CPNE9: variants seen among roughly 807,000 people sequenced by gnomAD.
CPNE9 encodes the protein copine-9.
A neutral mutation model predicts 83.0 loss-of-function variants in CPNE9; 59 were observed. The ratio of observed to expected loss-of-function variants is 0.71; its 90% CI spans 0.58 to 0.88. CPNE9 has a LOEUF of 0.88. Among genes scored for constraint, CPNE9 ranks in the 40% least tolerant of loss-of-function variants. The pLI is 0.00. For synonymous variants in CPNE9, 256 were observed against 273.4 expected (o/e 0.94, Z 0.63); for missense variants, 619 against 720.8 (o/e 0.86, Z 1.62).
At position 9,704,725 on chromosome 3, in the gene CPNE9, T is replaced by G; in HGVS notation, c.110-24T>G. Reference sequence around the variant, plus strand: ...AGGGGTGGGAGCCGACCTGACGTCCTTCCCTCCCCGCCCCCACCTGCAGTG... The same window carrying G: ...AGGGGTGGGAGCCGACCTGACGTCCGTCCCTCCCCGCCCCCACCTGCAGTG... On this transcript the variant is annotated intron_variant, in intron 2 of 20. Transcript: ENST00000383832. This position sits in a 1 kb window ranked among gnomAD's most constrained non-coding sequence, Gnocchi z 7.1. 6.2e-7 allele frequency: 1 copy of G among 1,611,958 alleles called. No homozygotes were observed. The highest frequency in any genetic ancestry group is 1.7e-5 in the Admixed American group (1 of 59,994).
chr3:9,705,299 T>C (rs1178801927), intron 4 of CPNE9, among the ~76,000 whole-genome samples, 165 bp from the exon 5 acceptor site: 3 of 151,810 alleles, frequency 2.0e-5, no homozygotes, highest in African/African-American at 7.3e-5. Context: ...ACCGTCTGAC[T>C]ACTCAGCCCA....
At chr3:9,713,213 G>A in intron 10 of CPNE9, 134 bp downstream of exon 10, 1 of 686,866 alleles carries the variant, frequency 1.5e-6, no homozygotes, top group Non-Finnish European at 2.5e-6. Flanking sequence ...TGGGGCATGA[G>A]GTTGGGTGGA....
intron 16 of CPNE9, 84 bp downstream of exon 16, chr3:9,718,294 C>A: frequency 7.0e-7 from 1 of 1,433,634 alleles, no homozygotes; most frequent in Non-Finnish European, 9.5e-7. Context: ...TACATTACTT[C>A]AAAGGGCATG....
chr3:9,729,414 G>A, intron 20 of CPNE9, 93 bp from the exon 21 acceptor site: 1 of 1,480,724 alleles, frequency 6.8e-7, no homozygotes, highest in Non-Finnish European at 9.0e-7. Context: ...GTTGGAAAGA[G>A]ATGCTGGGGA....
intron 7 of CPNE9, 28 bp from the exon 8 acceptor site, chr3:9,712,513 C>G: frequency 6.2e-7 from 1 of 1,605,116 alleles, no homozygotes; most frequent in Non-Finnish European, 8.5e-7. Context: ...CCTCCCTCCT[C>G]TCACTAAGAG....
In CPNE9 at chr3:9,705,727, C is replaced by T; in HGVS notation, c.300+7C>T. 3.1e-6 allele frequency: 5 copies of T among 1,613,368 alleles called. No individual in the cohort carries two copies. The highest frequency in any genetic ancestry group is 4.2e-6 in the Non-Finnish European group (5 of 1,179,440). On this transcript the variant is annotated splice_region_variant and intron_variant, in intron 6 of 20. Coordinates refer to ENST00000383832, the MANE Select transcript of CPNE9 (RefSeq NM_153635.3). ...CTGCTGGGACCTGCAGAAGGTGAGG[C>T]TGAATGGGGCTGGGCAGAGGTTGGG...
chr3:9,717,938 G>T, intron 15 of CPNE9, 91 bp from the exon 16 acceptor site: 1 of 1,118,026 alleles, frequency 8.9e-7, no homozygotes, highest in Non-Finnish European at 1.3e-6. Flanking sequence ...CAGATAAATG[G>T]ATATAGGTGG....
At chr3:9,710,039 T>C (rs1313166069) in intron 7 of CPNE9, among the ~76,000 whole-genome samples, 1 of 150,074 alleles carries the variant, frequency 6.7e-6, no homozygotes, top group Non-Finnish European at 1.5e-5. Flanking sequence ...TAAATTATAC[T>C]ACATTGGCCG....
Position 9,729,834 on chromosome 3 carries a change from C to T in CPNE9, c.*142C>T. Reference sequence around the variant, plus strand: ...GTGCTGGCTGACAAGCCCTCCGCCTCCTTGCCTGCAGAGGGCCTGGCACTA... The same window carrying T: ...GTGCTGGCTGACAAGCCCTCCGCCTTCTTGCCTGCAGAGGGCCTGGCACTA... On this transcript the variant is annotated 3_prime_UTR_variant, in exon 21 of 21. Transcript: ENST00000383832. The T allele has an allele frequency of 8.0e-7, 1 of 1,245,990 alleles. No homozygotes were observed. The highest frequency in any genetic ancestry group is 1.5e-5 in the African/African-American group (1 of 66,334). 77.2% of individuals were successfully genotyped at this position (1,245,990 alleles called of 1,614,324 possible).
At chr3:9,726,413 G>A (rs1305426483) in intron 18 of CPNE9, among the ~76,000 whole-genome samples, 2 of 152,080 alleles carry the variant, frequency 1.3e-5, no homozygotes, top group African/African-American at 4.8e-5. Flanking sequence ...GGTCTCCAGG[G>A]AGACCTTTTT....
intron 20 of CPNE9, among the ~76,000 whole-genome samples, chr3:9,729,257 G>C (rs972831664): frequency 6.6e-5 from 10 of 152,204 alleles, no homozygotes; most frequent in African/African-American, 2.4e-4. Flanking sequence ...CAGGGCCACT[G>C]ACGACATCAG....
chr3:9,707,181 G>A (rs1475904312), intron 7 of CPNE9, among the ~76,000 whole-genome samples: 5 of 151,690 alleles, frequency 3.3e-5, no homozygotes, highest in African/African-American at 1.2e-4. Flanking sequence ...GTGAAACCCT[G>A]TCTCTACTAA....
intron 17 of CPNE9, among the ~76,000 whole-genome samples, chr3:9,720,766 A>C (rs904375790): frequency 1.1e-4 from 17 of 152,276 alleles, no homozygotes; most frequent in African/African-American, 3.8e-4. Flanking sequence ...ATGCAACTAC[A>C]CTAATTCAAA....
At chr3:9,714,798 C>A in intron 10 of CPNE9, 116 bp from the exon 11 acceptor site, 1 of 899,126 alleles carries the variant, frequency 1.1e-6, no homozygotes. Flanking sequence ...AGATGAACAA[C>A]TTAATGGGAA....
At position 9,703,875 on chromosome 3, in the gene CPNE9, C is replaced by G. The variant is rs1014385029; in HGVS notation, c.-122C>G. On this transcript the variant is annotated 5_prime_UTR_variant, in exon 1 of 21. Coordinates refer to ENST00000383832, the MANE Select transcript of CPNE9 (RefSeq NM_153635.3). The stretch of plus-strand genomic sequence containing the variant: ...GGCTGGAGCGCACGCAGGGCTGGAG[C>G]GAGTGCAGCCGCCGCCGCCGCCGAC... 3.8e-5 allele frequency: 28 copies of G among 730,750 alleles called. No individual in the cohort carries two copies. The African/African-American group carries it at 4.2e-4, about 11-fold the overall frequency. The allele number at this position is 730,750 out of a possible 1,614,324, so 45.3% of individuals were successfully genotyped here.
rs932652915 is a variant in CPNE9 at position 9,704,460 on chromosome 3, G to A, written c.69-127G>A. On this transcript the variant is annotated intron_variant, in intron 1 of 20. Coordinates refer to ENST00000383832, the MANE Select transcript of CPNE9 (RefSeq NM_153635.3). This position sits in a 1 kb window ranked among gnomAD's most constrained non-coding sequence, Gnocchi z 7.1. ...GTGCTGACAGAGCGGACCCCGGCTGGGGGTAGCCATGGGGGACAGAGGTTC... is the reference window on the plus strand; with the variant it reads ...GTGCTGACAGAGCGGACCCCGGCTGAGGGTAGCCATGGGGGACAGAGGTTC... 2.4e-6 allele frequency: 2 copies of A among 839,728 alleles called. No individual in the cohort carries two copies. Among genetic ancestry groups the A allele is most frequent in the South Asian group, 1.3e-5 (1 of 74,542 alleles). 52.0% of individuals were successfully genotyped at this position (839,728 alleles called of 1,614,324 possible).
In CPNE9 at chr3:9,718,460, C is replaced by T. The variant is rs1443026720; in HGVS notation, c.1114-15C>T. 1.1e-5 allele frequency: 18 copies of T among 1,610,350 alleles called. No individual in the cohort carries two copies. The highest frequency in any genetic ancestry group is 1.5e-5 in the Non-Finnish European group (18 of 1,178,056). ...CCTGCATGGGCTCAGCCTGGCAGGG[C>T]ATATTCTTTGACAGAACAACAATGA... On this transcript the variant is annotated splice_polypyrimidine_tract_variant and intron_variant, in intron 16 of 20. Coordinates refer to ENST00000383832, the MANE Select transcript of CPNE9 (RefSeq NM_153635.3).
At position 9,704,805 on chromosome 3, in the gene CPNE9, A is replaced by G. The variant is rs770828916; in HGVS notation, c.156+10A>G. ...CCAGGAGTGGCGGGAGGTGAGTCCC[A>G]GAGCCCCCTCCCGGCCCAGGGCGTC... On this transcript the variant is annotated intron_variant, in intron 3 of 20. Transcript: ENST00000383832. This position sits in a 1 kb window ranked among gnomAD's most constrained non-coding sequence, Gnocchi z 7.1. 4.4e-6 allele frequency: 7 copies of G among 1,601,424 alleles called. No homozygotes were observed. Among genetic ancestry groups the G allele is most frequent in the South Asian group, 1.1e-5 (1 of 90,308 alleles).
In CPNE9 at chr3:9,704,039, A is replaced by C. The variant is rs2076532493; in HGVS notation, c.43A>C (p.Lys15Gln). The change falls in exon 1 of 21, where the codon AAG (lysine) becomes CAG (glutamine). Residue 15 changes from lysine (K) to glutamine (Q), a missense_variant. Around this residue, in one of 3 missense-constraint regions of CPNE9, gnomAD observed 130 missense variants for 117.5 expected, o/e 1.11. Coordinates refer to ENST00000383832, the MANE Select transcript of CPNE9 (RefSeq NM_153635.3). The surrounding 1 kb of genome is among the most constrained non-coding windows in gnomAD (Gnocchi z 7.1). Reference protein sequence around the residue: ...GASERSVPATKIEITVSCRNL... With the variant: ...GASERSVPATQIEITVSCRNL... The stretch of plus-strand genomic sequence containing the variant: ...CTCCGAGCGCAGCGTCCCGGCCACC[A>C]AGATTGAAATTACCGTGTCCTGCCG... The C allele has an allele frequency of 6.2e-7, 1 of 1,608,792 alleles. No homozygotes were observed. Among genetic ancestry groups the C allele is most frequent in the African/African-American group, 1.3e-5 (1 of 74,768 alleles).
Sources: gnomAD v4.1 joint callset for allele counts (sites outside exome capture counted in the v4.1 genomes callset) on GRCh38, gnomAD v4.1.1 for gene constraint, gnomAD v4.1.1 regional missense constraint, Gnocchi (gnomAD v3.1) non-coding constraint, MANE v1.5 for transcripts, NCBI Gene and HGNC (gene_info 2026-07-23, HGNC 2026-07-21) for gene names.